Variants in PDZRN4 observed in about 807,000 individuals in gnomAD.
PDZRN4 encodes PDZ domain containing ring finger 4.
PDZRN4 carries 70 observed loss-of-function variants against 99.0 expected under a neutral mutation model. The observed-to-expected ratio is 0.71, with a 90% confidence interval of 0.58 to 0.86. The LOEUF is 0.86. PDZRN4 is among the 40% of genes least tolerant of loss of function. The probability of loss-of-function intolerance (pLI) is 0.00; values close to 1 mark genes in which losing one functional copy is unlikely to be tolerated. For synonymous variants in PDZRN4, 551 were observed against 501.6 expected (o/e 1.10, Z -1.32); for missense variants, 1,474 against 1,331.2 (o/e 1.11, Z -1.67).
chr12:41,487,035 C>G (rs886744008), intron 3 of PDZRN4, among the ~76,000 whole-genome samples: 6 of 152,164 alleles, frequency 3.9e-5, no homozygotes, highest in Non-Finnish European at 8.8e-5. Context: ...AACTCCCCTC[C>G]TCCTGCCCCA....
At chr12:41,544,358 C>A (rs894296560) in intron 5 of PDZRN4, among the ~76,000 whole-genome samples, 1 of 152,180 alleles carries the variant, frequency 6.6e-6, no homozygotes, top group African/African-American at 2.4e-5. Context: ...TAATCTAAGA[C>A]AATTATGCTG....
Position 41,288,478 on chromosome 12 carries a change from A to T in PDZRN4, c.843+94290A>T, listed in dbSNP as rs186200094. On this transcript the variant is annotated intron_variant, in intron 3 of 9. Coordinates refer to ENST00000402685, the MANE Select transcript of PDZRN4 (RefSeq NM_001164595.2). Reference sequence around the variant, plus strand: ...TGCCTCCTGTTGTTTTATTGCCTGGAGTGGCTGATTTTGTCCTAATTGGAA... The same window carrying T: ...TGCCTCCTGTTGTTTTATTGCCTGGTGTGGCTGATTTTGTCCTAATTGGAA... Among the ~76,000 whole-genome samples, 419 of 152,182 alleles carry T rather than the reference A, an allele frequency of 2.8e-3. 5 individuals are homozygous for T. Among genetic ancestry groups the T allele is most frequent in the East Asian group, 1.4e-3 (7 of 5,178 alleles).
chr12:41,476,767 G>T (rs1410976216), intron 3 of PDZRN4, among the ~76,000 whole-genome samples: 1 of 152,198 alleles, frequency 6.6e-6, no homozygotes, highest in African/African-American at 2.4e-5. Flanking sequence ...TAATGATGGT[G>T]GTTCCCATGC....
intron 3 of PDZRN4, among the ~76,000 whole-genome samples, chr12:41,438,557 G>A (rs1191511744): frequency 1.3e-5 from 2 of 152,152 alleles, no homozygotes; most frequent in Non-Finnish European, 2.9e-5. Flanking sequence ...GCTGAAACAG[G>A]AGATAAAGAA....
At chr12:41,190,918 C>T (rs999289848) in intron 1 of PDZRN4, among the ~76,000 whole-genome samples, 2 of 152,038 alleles carry the variant, frequency 1.3e-5, no homozygotes, top group Admixed American at 6.5e-5. Context: ...TTATGCAAAA[C>T]CAAATAGGAA....
intron 3 of PDZRN4, among the ~76,000 whole-genome samples, chr12:41,219,358 C>T (rs1950939542): frequency 6.6e-6 from 1 of 152,008 alleles, no homozygotes; most frequent in Non-Finnish European, 1.5e-5. Context: ...GAGAAGAAAA[C>T]TGCATAGTCT....
intron 3 of PDZRN4, among the ~76,000 whole-genome samples, chr12:41,360,409 G>A (rs1407305414): frequency 6.6e-6 from 1 of 151,972 alleles, no homozygotes; most frequent in Non-Finnish European, 1.5e-5. Context: ...ATCTCTCATG[G>A]TGCTTTAGCT....
chr12:41,515,045 A>G (rs952929626), intron 5 of PDZRN4, among the ~76,000 whole-genome samples: 1 of 152,050 alleles, frequency 6.6e-6, no homozygotes, highest in Non-Finnish European at 1.5e-5. Context: ...CTCAATCAGC[A>G]TATGTGAGAA....
chr12:41,403,497 C>T (rs555137462), intron 3 of PDZRN4, among the ~76,000 whole-genome samples: 1 of 152,246 alleles, frequency 6.6e-6, no homozygotes, highest in East Asian at 1.9e-4. Context: ...AGGTAAATCA[C>T]ATATGCCCCT....
intron 3 of PDZRN4, among the ~76,000 whole-genome samples, chr12:41,382,420 T>A (rs1952134495): frequency 6.6e-6 from 1 of 152,198 alleles, no homozygotes; most frequent in South Asian, 2.1e-4. Context: ...AAATTGAAGT[T>A]CATCAAGCTT....
intron 3 of PDZRN4, among the ~76,000 whole-genome samples, chr12:41,455,207 T>C (rs555054909): frequency 6.6e-6 from 1 of 152,302 alleles, no homozygotes; most frequent in Admixed American, 6.5e-5. Flanking sequence ...TTTTAAGAAC[T>C]GAAATGAAAT....
At chr12:41,458,547 G>A (rs1411909207) in intron 3 of PDZRN4, among the ~76,000 whole-genome samples, 1 of 152,182 alleles carries the variant, frequency 6.6e-6, no homozygotes, top group Non-Finnish European at 1.5e-5. Context: ...TAATAAGGGA[G>A]GGTTACTATT....
At chr12:41,539,292 T>C (rs1207703479) in intron 5 of PDZRN4, among the ~76,000 whole-genome samples, 1 of 151,996 alleles carries the variant, frequency 6.6e-6, no homozygotes, top group Admixed American at 6.6e-5. Context: ...AGGTTTAAAA[T>C]GGGAATAAAA....
chr12:41,336,463 T>C (rs752517283), intron 3 of PDZRN4, among the ~76,000 whole-genome samples: 1 of 151,640 alleles, frequency 6.6e-6, no homozygotes, highest in Non-Finnish European at 1.5e-5. Flanking sequence ...AGTGTCAACC[T>C]AAAGGAGAAT....
At chr12:41,359,967 T>C (rs1951953347) in intron 3 of PDZRN4, among the ~76,000 whole-genome samples, 1 of 151,968 alleles carries the variant, frequency 6.6e-6, no homozygotes, top group South Asian at 2.1e-4. Flanking sequence ...AAGTTTTCCA[T>C]CGGGGGATAA....
chr12:41,447,411 A>G (rs1952738607), intron 3 of PDZRN4, among the ~76,000 whole-genome samples: 1 of 152,166 alleles, frequency 6.6e-6, no homozygotes, highest in Non-Finnish European at 1.5e-5. Context: ...CAAGCATAGC[A>G]TGGGAGAAAC....
chr12:41,345,059 C>T (rs1418313398), intron 3 of PDZRN4, among the ~76,000 whole-genome samples: 1 of 152,068 alleles, frequency 6.6e-6, no homozygotes, highest in African/African-American at 2.4e-5. Context: ...TTACACTAAG[C>T]TTTTATGAAA....
chr12:41,516,660 C>T (rs1396959742), intron 5 of PDZRN4, among the ~76,000 whole-genome samples: 1 of 151,982 alleles, frequency 6.6e-6, no homozygotes, highest in Non-Finnish European at 1.5e-5. Flanking sequence ...GGTAGATAGA[C>T]ATGCTAATTT....
At chr12:41,373,060 C>A (rs1952055017) in intron 3 of PDZRN4, among the ~76,000 whole-genome samples, 3 of 152,028 alleles carry the variant, frequency 2.0e-5, no homozygotes, top group African/African-American at 7.2e-5. Context: ...CCCCAAGCTG[C>A]AAAACCAGCA....
Sources: gnomAD v4.1 joint callset for allele counts (sites outside exome capture counted in the v4.1 genomes callset) on GRCh38, gnomAD v4.1.1 for gene constraint, MANE v1.5 for transcripts, NCBI Gene and HGNC (gene_info 2026-07-23, HGNC 2026-07-21) for gene names.